The following SLAIN1 variants were observed in gnomAD, a reference collection of about 807,000 sequenced individuals.
The protein encoded by SLAIN1 is SLAIN motif-containing protein 1.
A neutral mutation model predicts 55.4 loss-of-function variants in SLAIN1; 17 were observed. That is an observed-to-expected ratio of 0.31 (90% CI 0.21 to 0.46). The LOEUF (loss-of-function observed/expected upper bound fraction) is 0.46, where lower values mean the gene tolerates loss of function less well. Ranked by LOEUF, SLAIN1 falls within the 20% of genes least tolerant of loss-of-function variation. SLAIN1 has a pLI of 1.00. For synonymous variants in SLAIN1, 348 were observed against 337.4 expected, an observed-to-expected ratio of 1.03 and a Z score of -0.35; for missense variants, 682 against 785.1, an observed-to-expected ratio of 0.87 and a Z score of 1.57.
Position 77,763,288 on chromosome 13 carries a change from G to A in SLAIN1, c.*68G>A. 3.9e-5 allele frequency: 46 copies of A among 1,169,428 alleles called. No homozygotes were observed. Among genetic ancestry groups the A allele is most frequent in the Non-Finnish European group, 5.2e-5 (41 of 781,484 alleles). 72.4% of individuals were successfully genotyped at this position (1,169,428 alleles called of 1,614,324 possible). ...TGAGGGTTGTGTTACCTAGCTGGCT[G>A]GGTAGCAGTGGATGTTGGGATATTC... On this transcript the variant is annotated 3_prime_UTR_variant, in exon 7 of 7. Transcript: ENST00000418532.
chr13:77,743,025 G>C (rs1308869548), intron 2 of SLAIN1: 1 of 1,290,534 alleles, frequency 7.7e-7, no homozygotes, highest in African/African-American at 1.5e-5. Context: ...GCTAGCCGAT[G>C]GCGGAGTCTC....
chr13:77,753,087 T>C, intron 4 of SLAIN1, 116 bp from the exon 5 acceptor site: 1 of 931,408 alleles, frequency 1.1e-6, no homozygotes, highest in Non-Finnish European at 1.5e-6. Context: ...ATCATCAACA[T>C]GTAATAATTT....
At position 77,718,353 on chromosome 13, in the gene SLAIN1, A is replaced by G. The variant is rs564150125; in HGVS notation, c.627-1179A>G. ...AACACAGCCACGTTTATTCGCTTAC[A>G]TATTGTCTAGGATGCCTTTGGACTG... On this transcript the variant is annotated intron_variant, in intron 1 of 6. Coordinates refer to ENST00000418532, the MANE Select transcript of SLAIN1 (RefSeq NM_001242868.2). Among the ~76,000 whole-genome samples, 22 of 152,262 alleles carry G rather than the reference A, an allele frequency of 1.4e-4. No homozygotes were observed. The East Asian group carries it at 2.1e-3, about 15-fold the overall frequency.
At chr13:77,715,231 G>A (rs1187921433) in intron 1 of SLAIN1, among the ~76,000 whole-genome samples, 1 of 152,148 alleles carries the variant, frequency 6.6e-6, no homozygotes, top group Admixed American at 6.6e-5. Context: ...CTTCTTTCAA[G>A]CTAGATAGTT....
chr13:77,744,203 A>G, intron 2 of SLAIN1, 80 bp from the exon 3 acceptor site: 1 of 1,055,140 alleles, frequency 9.5e-7, no homozygotes, highest in Non-Finnish European at 1.5e-6. Flanking sequence ...CAAATTGCTG[A>G]CTGTTTATAT....
intron 2 of SLAIN1, among the ~76,000 whole-genome samples, chr13:77,720,983 C>T (rs991014724): frequency 6.6e-6 from 1 of 152,156 alleles, no homozygotes; most frequent in African/African-American, 2.4e-5. Flanking sequence ...GCAGCCATCT[C>T]AGAGTCGGAG....
chr13:77,709,252 A>G (rs1391021862), intron 1 of SLAIN1, among the ~76,000 whole-genome samples: 1 of 152,136 alleles, frequency 6.6e-6, no homozygotes, highest in East Asian at 1.9e-4. Context: ...CCTCCAAGAA[A>G]TATGGGACTA....
intron 1 of SLAIN1, among the ~76,000 whole-genome samples, chr13:77,701,714 G>A (rs80288036): frequency 0.012 from 1,829 of 152,032 alleles, 36 homozygotes; most frequent in African/African-American, 0.042. Flanking sequence ...AAAGTTGATG[G>A]CAATTCCAGA....
intron 2 of SLAIN1, among the ~76,000 whole-genome samples, chr13:77,731,188 G>A (rs1452994473): frequency 6.6e-6 from 1 of 151,966 alleles, no homozygotes; most frequent in African/African-American, 2.4e-5. Flanking sequence ...TAGATCTCCT[G>A]GTTATTGAAT....
intron 2 of SLAIN1, among the ~76,000 whole-genome samples, chr13:77,728,367 T>C (rs923959635): frequency 2.0e-5 from 3 of 152,150 alleles, no homozygotes; most frequent in African/African-American, 7.2e-5. Context: ...TGTGGCTCAG[T>C]TAATTTGGGG....
intron 1 of SLAIN1, among the ~76,000 whole-genome samples, chr13:77,706,444 T>C (rs937721634): frequency 3.9e-5 from 6 of 152,130 alleles, no homozygotes; most frequent in African/African-American, 1.4e-4. Context: ...CCAAACACGC[T>C]AAAGGAGCCA....
intron 1 of SLAIN1, among the ~76,000 whole-genome samples, chr13:77,711,367 A>G (rs2091148689): frequency 6.6e-6 from 1 of 152,184 alleles, no homozygotes; most frequent in Non-Finnish European, 1.5e-5. Context: ...AATCAAATAC[A>G]CACAATAAAA....
intron 1 of SLAIN1, among the ~76,000 whole-genome samples, chr13:77,702,127 A>G (rs966139927): frequency 6.6e-6 from 1 of 150,952 alleles, no homozygotes; most frequent in Non-Finnish European, 1.5e-5. Context: ...ATAGTATTCC[A>G]TGGTGTATAT....
chr13:77,748,292 A>C lies in SLAIN1; in HGVS notation c.1258+1437A>C, dbSNP rs77446403. Among the ~76,000 whole-genome samples, 26 of 152,154 alleles carry C rather than the reference A, an allele frequency of 1.7e-4. No individual in the cohort carries two copies. The East Asian group carries it at 4.8e-3, about 28-fold the overall frequency. ...TGGCTAAAAAATGTCATCATGACTA[A>C]CATATTAAAGCTCATAGATCAGAAA... On this transcript the variant is annotated intron_variant, in intron 4 of 6. Coordinates refer to ENST00000418532, the MANE Select transcript of SLAIN1 (RefSeq NM_001242868.2).
At chr13:77,743,153 C>T (rs769957688) in intron 2 of SLAIN1, 1 of 1,300,462 alleles carries the variant, frequency 7.7e-7, no homozygotes, top group African/African-American at 1.5e-5. Flanking sequence ...AATACTAACA[C>T]CTGAAAAAAC....
At chr13:77,738,346 C>A (rs1873244909) in intron 2 of SLAIN1, among the ~76,000 whole-genome samples, 1 of 151,706 alleles carries the variant, frequency 6.6e-6, no homozygotes, top group Admixed American at 6.6e-5. Flanking sequence ...CAAGGCAGAA[C>A]CTGGGTTAGG....
rs2090989794 is a variant in SLAIN1 at position 77,697,918 on chromosome 13, T to C, written c.5T>C (p.Met2Thr). 2 of 1,405,632 alleles carry C rather than the reference T, an allele frequency of 1.4e-6. No individual in the cohort carries two copies. The highest frequency in any genetic ancestry group is 5.1e-5 in the Admixed American group (2 of 39,150). 87.1% of individuals were successfully genotyped at this position (1,405,632 alleles called of 1,614,324 possible). The change falls in exon 1 of 7, where the codon ATG (methionine) becomes ACG (threonine). Residue 2 changes from methionine to threonine, a missense_variant. Coordinates refer to ENST00000418532, the MANE Select transcript of SLAIN1 (RefSeq NM_001242868.2). Reference protein sequence around the residue: MMAEQVKCASAG... With the variant: MTAEQVKCASAG... ...GCGGCGCCCTCGGGGCCCACGATGA[T>C]GGCGGAGCAGGTGAAATGCGCCTCG... is the stretch of plus-strand genomic sequence containing the variant.
chr13:77,698,129 C>A lies in SLAIN1; in HGVS notation c.216C>A (p.Pro72=), dbSNP rs1481973910. The A allele has an allele frequency of 3.0e-6, 3 of 990,594 alleles. No homozygotes were observed. Among genetic ancestry groups the A allele is most frequent in the Non-Finnish European group, 3.5e-6 (3 of 862,872 alleles). 61.4% of individuals were successfully genotyped at this position (990,594 alleles called of 1,614,324 possible). A position where few individuals can be genotyped will look rare whatever the true frequency, so the allele number is the denominator to read the frequency against. Residue 72 remains proline (P), a synonymous_variant, in exon 1 of 7, where the codon CCC becomes CCA. Coordinates refer to ENST00000418532, the MANE Select transcript of SLAIN1 (RefSeq NM_001242868.2). The surrounding 1 kb of genome is among the most constrained non-coding windows in gnomAD (Gnocchi z 4.1). The part of the protein sequence containing the change: ...LPPPPPAAPP[P]AGLQPLGPRS... ...CGCCGCCGCCCGCCGCGCCGCCCCC[C>A]GCTGGCCTGCAGCCTTTGGGTCCTC...
Position 77,763,316 on chromosome 13 carries a change from T to C in SLAIN1, c.*96T>C. 1.1e-6 allele frequency: 1 copy of C among 930,336 alleles called. No individual in the cohort carries two copies. 57.6% of individuals were successfully genotyped at this position (930,336 alleles called of 1,614,324 possible). A position where few individuals can be genotyped will look rare whatever the true frequency, so the allele number is the denominator to read the frequency against. ...TAGCAGTGGATGTTGGGATATTCTT[T>C]CCCTTTTGTGTTTTAATATATTTAC... On this transcript the variant is annotated 3_prime_UTR_variant, in exon 7 of 7. Coordinates refer to ENST00000418532, the MANE Select transcript of SLAIN1 (RefSeq NM_001242868.2).
Sources: gnomAD v4.1 joint callset for allele counts (sites outside exome capture counted in the v4.1 genomes callset) on GRCh38, gnomAD v4.1.1 for gene constraint, Gnocchi (gnomAD v3.1) non-coding constraint, MANE v1.5 for transcripts, NCBI Gene and HGNC (gene_info 2026-07-23, HGNC 2026-07-21) for gene names.